NRDE2: variants seen among roughly 807,000 people sequenced by gnomAD.
The protein encoded by NRDE2 is nuclear exosome regulator NRDE2.
Under a neutral mutation model 124.2 loss-of-function variants are expected in NRDE2, and 76 were observed. The observed-to-expected ratio is 0.61, with a 90% CI of 0.51 to 0.74. The LOEUF (loss-of-function observed/expected upper bound fraction) is 0.74. Among genes scored for constraint, NRDE2 ranks in the 30% least tolerant of loss-of-function variants. The pLI is 0.00. For synonymous variants in NRDE2, 489 were observed against 528.1 expected, an observed-to-expected ratio of 0.93 and a Z score of 1.01; for missense variants, 1,314 against 1,417.3, an observed-to-expected ratio of 0.93 and a Z score of 1.17.
chr14:90,319,421 T>G (rs1885163487), intron 1 of NRDE2, among the ~76,000 whole-genome samples: 1 of 152,156 alleles, frequency 6.6e-6, no homozygotes, highest in Non-Finnish European at 1.5e-5. Context: ...TCTTCATAAC[T>G]TTAGAACATT....
At chr14:90,309,386 T>C (rs1884740158) in intron 4 of NRDE2, among the ~76,000 whole-genome samples, 1 of 151,012 alleles carries the variant, frequency 6.6e-6, no homozygotes, top group South Asian at 2.1e-4. Flanking sequence ...GGCAGCAGAA[T>C]TGTTTGAACC....
rs1884506801 is a variant in NRDE2, at chr14:90,304,048, C to T, written c.892G>A (p.Ala298Thr). The change falls in exon 5 of 14, where the codon GCA (alanine) becomes ACA (threonine). Residue 298 changes from alanine to threonine, a missense_variant. Physicochemically the swap from Ala to Thr is moderately conservative, Grantham distance 58. Transcript: ENST00000354366. ...GCCGCACTCTCGCTGTCTGGCTGTGCGTCTGGCTGCTTTGATTCCTGCTCT... is the reference window on the plus strand; with the variant it reads ...GCCGCACTCTCGCTGTCTGGCTGTGTGTCTGGCTGCTTTGATTCCTGCTCT... ...PPEQESKQPD[A>T]QPDSESAALK... The T allele has an allele frequency of 1.2e-5, 20 of 1,614,130 alleles. No homozygotes were observed. The highest frequency in any genetic ancestry group is 1.7e-5 in the Non-Finnish European group (20 of 1,179,970).
rs144111170 is a variant in NRDE2, at chr14:90,274,787, TACACACACACACACAC to T, written c.*3533_*3548del. The T allele has an allele frequency of 5.0e-4, 56 of 110,992 alleles. No homozygotes were observed. Among genetic ancestry groups the T allele is most frequent in the African/African-American group, 8.5e-4 (27 of 31,820 alleles). The allele number at this position is 110,992 out of a possible 1,614,324, so 6.9% of individuals were successfully genotyped here. A position where few individuals can be genotyped will look rare whatever the true frequency, so the allele number is the denominator to read the frequency against. On this transcript the variant is annotated 3_prime_UTR_variant, in exon 14 of 14. Coordinates refer to ENST00000354366, the MANE Select transcript of NRDE2 (RefSeq NM_017970.4). ...CAGTATAGCCCTTTAAATAGGGAAC[TACACACACACACACAC>T]ACACACACACACACACACACACACA... is the stretch of plus-strand genomic sequence containing the variant.
Position 90,290,241 on chromosome 14 carries a change from A to ACCT in NRDE2, c.2208_2209insAGG (p.Trp736_Leu737insArg). 2.5e-6 allele frequency: 4 copies of ACCT among 1,614,008 alleles called. No individual in the cohort carries two copies. Among genetic ancestry groups the ACCT allele is most frequent in the Non-Finnish European group, 3.4e-6 (4 of 1,179,970 alleles). On this transcript the variant is annotated inframe_insertion, in exon 10 of 14. Transcript: ENST00000354366. ...ATTACCTTTGCAATCTCATACTGTAACCAGGAGAAGCAGAGCTGGGACTTC... is the reference window on the plus strand; with the variant it reads ...ATTACCTTTGCAATCTCATACTGTAACCTCCAGGAGAAGCAGAGCTGGGACTTC...
At position 90,307,061 on chromosome 14, in the gene NRDE2, G is replaced by C. The variant is rs894023203; in HGVS notation, c.558-2679C>G. Reference sequence around the variant, plus strand: ...ATTAGATGAAAATGATAAGGGAAGGGGAAAAATGTTACTGGCCTATATTAC... The same window carrying C: ...ATTAGATGAAAATGATAAGGGAAGGCGAAAAATGTTACTGGCCTATATTAC... On this transcript the variant is annotated intron_variant, in intron 4 of 13. Transcript: ENST00000354366. 2.6e-5 allele frequency among the ~76,000 whole-genome samples: 4 copies of C among 152,182 alleles called. No homozygotes were observed. In the East Asian group the frequency reaches 7.7e-4, roughly 29 times the overall value.
intron 12 of NRDE2, among the ~76,000 whole-genome samples, chr14:90,285,163 C>G (rs766405837): frequency 1.2e-4 from 18 of 149,340 alleles, no homozygotes; most frequent in Admixed American, 9.4e-4. Context: ...CCCAGCTACT[C>G]AAGAGGCTAA....
At chr14:90,281,425 A>G (rs1891949773) in intron 12 of NRDE2, 1 of 152,128 alleles carries the variant, frequency 6.6e-6, no homozygotes. Context: ...AAAAAACAAA[A>G]AATGCTTATG....
chr14:90,299,816 T>G (rs1353032519), intron 7 of NRDE2, among the ~76,000 whole-genome samples: 1 of 152,212 alleles, frequency 6.6e-6, no homozygotes, highest in Non-Finnish European at 1.5e-5. Flanking sequence ...AAAAAAATTT[T>G]TTTTAAATAG....
rs1393209204 is a variant in NRDE2, at chr14:90,270,052, G to T, written c.*8284C>A. ...AAATCTACAAACTACAAAAATATAT[G>T]TTTACTTTTTAAAATTTAGACATCC... On this transcript the variant is annotated 3_prime_UTR_variant, in exon 14 of 14. Coordinates refer to ENST00000354366, the MANE Select transcript of NRDE2 (RefSeq NM_017970.4). The T allele has an allele frequency of 1.2e-6, 1 of 801,574 alleles. No individual in the cohort carries two copies. The highest frequency in any genetic ancestry group is 1.7e-5 in the African/African-American group (1 of 57,288). 49.7% of individuals were successfully genotyped at this position (801,574 alleles called of 1,614,324 possible). A position where few individuals can be genotyped will look rare whatever the true frequency, so the allele number is the denominator to read the frequency against.
In NRDE2 at chr14:90,269,572, A is replaced by G; in HGVS notation, c.*8764T>C. 6.2e-7 allele frequency: 1 copy of G among 1,608,444 alleles called. No homozygotes were observed. The highest frequency in any genetic ancestry group is 8.5e-7 in the Non-Finnish European group (1 of 1,176,240). Reference sequence around the variant, plus strand: ...AGGTTAAATTTGCTTTGGTTTCATCATGGAGATTAATGTGTTTATATATTT... The same window carrying G: ...AGGTTAAATTTGCTTTGGTTTCATCGTGGAGATTAATGTGTTTATATATTT... On this transcript the variant is annotated 3_prime_UTR_variant, in exon 14 of 14. Coordinates refer to ENST00000354366, the MANE Select transcript of NRDE2 (RefSeq NM_017970.4).
Position 90,275,215 on chromosome 14 carries a change from C to T in NRDE2, c.*3121G>A, listed in dbSNP as rs1891777263. ...AAAGAGATGACAACCAAGTGCAGCT[C>T]CTGCTCCTGAACTGGATCCTTTTCC... On this transcript the variant is annotated 3_prime_UTR_variant, in exon 14 of 14. Transcript: ENST00000354366. 1 of 152,180 alleles carries T rather than the reference C, an allele frequency of 6.6e-6. No individual in the cohort carries two copies. The highest frequency in any genetic ancestry group is 1.5e-5 in the Non-Finnish European group (1 of 68,054). 9.4% of individuals were successfully genotyped at this position (152,180 alleles called of 1,614,324 possible). A position where few individuals can be genotyped will look rare whatever the true frequency, so the allele number is the denominator to read the frequency against.
At position 90,318,009 on chromosome 14, in the gene NRDE2, T is replaced by A; in HGVS notation, c.169A>T (p.Thr57Ser). 2 of 1,612,886 alleles carry A rather than the reference T, an allele frequency of 1.2e-6. No homozygotes were observed. The highest frequency in any genetic ancestry group is 1.7e-6 in the Non-Finnish European group (2 of 1,179,436). The change falls in exon 2 of 14, where the codon ACA (threonine) becomes TCA (serine). Residue 57 changes from threonine (T) to serine (S), a missense_variant. Thr to Ser is a moderately conservative substitution (Grantham distance 58). Transcript: ENST00000354366. ...PAHVSEGLPLTRSHLKSESSD... is the reference protein window; with the variant it reads ...PAHVSEGLPLSRSHLKSESSD... ...CATCTGTCAAACAAAAACTACCTTG[T>A]CAGCGGTAACCCTTCAGAAACATGG...
At position 90,292,690 on chromosome 14, in the gene NRDE2, T is replaced by C. The variant is rs780354968; in HGVS notation, c.1842+7A>G. The stretch of plus-strand genomic sequence containing the variant: ...ACAGCTTCCTGCCTGGGGCGGAGGA[T>C]ACATGCCTGTCTCTCGGGATCCTCA... On this transcript the variant is annotated splice_region_variant and intron_variant, in intron 9 of 13. Transcript: ENST00000354366. 1.2e-6 allele frequency: 2 copies of C among 1,612,426 alleles called. No homozygotes were observed. Among genetic ancestry groups the C allele is most frequent in the Non-Finnish European group, 1.7e-6 (2 of 1,178,614 alleles).
At chr14:90,286,938 G>A (rs1178124458) in intron 11 of NRDE2, among the ~76,000 whole-genome samples, 1 of 147,808 alleles carries the variant, frequency 6.8e-6, no homozygotes, top group African/African-American at 2.5e-5. Flanking sequence ...GGAGGCTGAG[G>A]CAGGAGAATT....
intron 4 of NRDE2, 107 bp downstream of exon 4, chr14:90,312,287 A>G: frequency 9.5e-7 from 1 of 1,049,452 alleles, no homozygotes; most frequent in South Asian, 1.5e-5. Context: ...AAAACCCAAC[A>G]GAACTGATGA....
Position 90,286,477 on chromosome 14 carries a change from C to T in NRDE2, c.3174G>A (p.Glu1058=). Residue 1058 remains glutamate, a synonymous_variant, in exon 12 of 14, where the codon GAG becomes GAA. Coordinates refer to ENST00000354366, the MANE Select transcript of NRDE2 (RefSeq NM_017970.4). ...VETVQRLDGR[E]IHATIPETGL... ...CGGTCTCAGGAATTGTGGCGTGGATCTCTCTACCGTCTAACCTGCAAGGCA... is the reference window on the plus strand; with the variant it reads ...CGGTCTCAGGAATTGTGGCGTGGATTTCTCTACCGTCTAACCTGCAAGGCA... The T allele has an allele frequency of 6.2e-7, 1 of 1,613,134 alleles. No individual in the cohort carries two copies. The highest frequency in any genetic ancestry group is 8.5e-7 in the Non-Finnish European group (1 of 1,179,784).
intron 12 of NRDE2, among the ~76,000 whole-genome samples, chr14:90,284,392 A>G (rs1211013619): frequency 1.4e-5 from 2 of 148,062 alleles, no homozygotes; most frequent in African/African-American, 2.5e-5. Flanking sequence ...TCTGTTAACC[A>G]GGCAGGAGTG....
At position 90,304,189 on chromosome 14, in the gene NRDE2, T is replaced by C. The variant is rs1884514290; in HGVS notation, c.751A>G (p.Ile251Val). ...AAGTCCTTCACTGGTATAAAGGAGA[T>C]GGGCTCAGATGAGGGAGGTTCAGTT... ...SKTEPPSSEP[I>V]SFIPVKDLED... The change falls in exon 5 of 14, where the codon ATC (isoleucine) becomes GTC (valine). Residue 251 changes from isoleucine to valine, a missense_variant. By Grantham distance (29) the Ile-to-Val change is conservative. Coordinates refer to ENST00000354366, the MANE Select transcript of NRDE2 (RefSeq NM_017970.4). 2 of 1,614,054 alleles carry C rather than the reference T, an allele frequency of 1.2e-6. No individual in the cohort carries two copies. The highest frequency in any genetic ancestry group is 2.7e-5 in the African/African-American group (2 of 74,940).
chr14:90,301,635 G>A (rs1884406443), intron 6 of NRDE2: 1 of 446,888 alleles, frequency 2.2e-6, no homozygotes, highest in Non-Finnish European at 4.2e-6. Context: ...ATAAAAATAA[G>A]TCAAGAGGTT....
Sources: gnomAD v4.1 joint callset for allele counts (sites outside exome capture counted in the v4.1 genomes callset) on GRCh38, gnomAD v4.1.1 for gene constraint, MANE v1.5 for transcripts, NCBI Gene and HGNC (gene_info 2026-07-23, HGNC 2026-07-21) for gene names.